Variants in PPP2R2B observed in about 807,000 individuals in gnomAD.
The protein encoded by PPP2R2B is protein phosphatase 2 regulatory subunit Bbeta.
In PPP2R2B, 5 loss-of-function variants were observed where a neutral mutation model predicts 46.0. That is an observed-to-expected ratio of 0.11 (90% CI 0.06 to 0.23). PPP2R2B has a LOEUF of 0.23. Ranked by LOEUF, PPP2R2B falls within the 10% of genes least tolerant of loss-of-function variation. The pLI, the probability that PPP2R2B is intolerant of heterozygous loss-of-function variation, is 1.00. For missense variants in PPP2R2B, 367 were observed against 575.0 expected, an observed-to-expected ratio of 0.64 and a Z score of 3.70; for synonymous variants, 215 against 206.7, an observed-to-expected ratio of 1.04 and a Z score of -0.34.
chr5:146,995,937 C>A (rs1753903918), intron 1 of PPP2R2B, among the ~76,000 whole-genome samples: 1 of 152,152 alleles, frequency 6.6e-6, no homozygotes, highest in African/African-American at 2.4e-5. Context: ...ATAGATATGC[C>A]ATGCTTCAAT....
chr5:146,641,340 A>G (rs1390338816), intron 6 of PPP2R2B, among the ~76,000 whole-genome samples: 1 of 152,126 alleles, frequency 6.6e-6, no homozygotes, highest in Non-Finnish European at 1.5e-5. Flanking sequence ...GAATGGCCTC[A>G]CAAAGCTGGC....
Position 146,589,881 on chromosome 5 carries a change from GA to G in PPP2R2B, c.*65del. 1 of 1,478,490 alleles carries G rather than the reference GA, an allele frequency of 6.8e-7. No homozygotes were observed. The highest frequency in any genetic ancestry group is 1.2e-5 in the South Asian group (1 of 82,122). 91.6% of individuals were successfully genotyped at this position (1,478,490 alleles called of 1,614,324 possible). ...TCAATGCATCAAATGAAGACCCAAAGAAACATTTAAAAACTTGTTTGACTAG... is the reference window on the plus strand; with the variant it reads ...TCAATGCATCAAATGAAGACCCAAAGAACATTTAAAAACTTGTTTGACTAG... On this transcript the variant is annotated 3_prime_UTR_variant, in exon 10 of 10. Transcript: ENST00000394411.
At chr5:146,706,840 G>A in intron 2 of PPP2R2B, 2 of 1,032,468 alleles carry the variant, frequency 1.9e-6, no homozygotes, top group Non-Finnish European at 3.1e-6. Flanking sequence ...CCTCAGCGAT[G>A]ATGCTGTCCG....
intron 1 of PPP2R2B, among the ~76,000 whole-genome samples, chr5:147,029,327 G>A (rs570770969): frequency 6.6e-6 from 1 of 152,130 alleles, no homozygotes; most frequent in Non-Finnish European, 1.5e-5. Context: ...ATGTGCCTGT[G>A]GTAGGGACCA....
chr5:146,936,179 C>T (rs558561013), intron 1 of PPP2R2B, among the ~76,000 whole-genome samples: 1 of 152,228 alleles, frequency 6.6e-6, no homozygotes, highest in East Asian at 1.9e-4. Context: ...AGGGTAACTT[C>T]CTGATGTGTC....
In PPP2R2B at chr5:146,803,819, A is replaced by G. The variant is rs566186542; in HGVS notation, c.70+74183T>C. On this transcript the variant is annotated intron_variant, in intron 2 of 9. Transcript: ENST00000394411. ...TGGTTTTTCTATCTGCAAAGTAGGG[A>G]GAAATAACAGTGCTTGCTTCATGTA... 4.6e-5 allele frequency among the ~76,000 whole-genome samples: 7 copies of G among 152,294 alleles called. No individual in the cohort carries two copies. In the South Asian group the frequency reaches 1.5e-3, roughly 32 times the overall value.
chr5:147,014,746 AG>A (rs1273053666), intron 1 of PPP2R2B, among the ~76,000 whole-genome samples: 4 of 80,234 alleles, frequency 5.0e-5, no homozygotes, highest in Non-Finnish European at 9.8e-5. Context: ...GGGTAGGGGG[AG>A]GGGGGAGGGA....
At chr5:146,738,643 T>C (rs1752686360) in intron 2 of PPP2R2B, among the ~76,000 whole-genome samples, 1 of 152,094 alleles carries the variant, frequency 6.6e-6, no homozygotes. Context: ...TGCCCTCAGC[T>C]CTCTGTCTCC....
At chr5:147,040,364 T>A (rs139059580) in intron 1 of PPP2R2B, among the ~76,000 whole-genome samples, 21 of 152,170 alleles carry the variant, frequency 1.4e-4, no homozygotes, top group African/African-American at 5.1e-4. Flanking sequence ...CAGCTCTAAT[T>A]TATCTGAATC....
intron 2 of PPP2R2B, among the ~76,000 whole-genome samples, chr5:146,705,450 G>T (rs1581916791): frequency 1.3e-5 from 2 of 152,294 alleles, no homozygotes; most frequent in East Asian, 3.9e-4. Flanking sequence ...AATCTGGGTG[G>T]GTGGTGGGGG....
intron 1 of PPP2R2B, among the ~76,000 whole-genome samples, chr5:146,976,717 A>C (rs1752924550): frequency 2.0e-5 from 3 of 152,142 alleles, no homozygotes; most frequent in Admixed American, 1.3e-4. Context: ...ATATGGATTT[A>C]TTTAATGTAG....
intron 5 of PPP2R2B, among the ~76,000 whole-genome samples, chr5:146,690,604 C>T (rs1778790017): frequency 6.6e-6 from 1 of 152,198 alleles, no homozygotes; most frequent in Non-Finnish European, 1.5e-5. Context: ...ACTTCTTCCT[C>T]ATAAGTCCAC....
chr5:146,997,321 T>A (rs780965389), intron 1 of PPP2R2B, among the ~76,000 whole-genome samples: 3 of 152,178 alleles, frequency 2.0e-5, no homozygotes, highest in Non-Finnish European at 4.4e-5. Context: ...CTCTGACCCC[T>A]GGTAAAAAAC....
At chr5:146,742,106 AG>A (rs1281980351) in intron 2 of PPP2R2B, among the ~76,000 whole-genome samples, 1 of 152,230 alleles carries the variant, frequency 6.6e-6, no homozygotes, top group Non-Finnish European at 1.5e-5. Context: ...TGTATGTGTC[AG>A]AAAAAAATGT....
intron 2 of PPP2R2B, among the ~76,000 whole-genome samples, chr5:146,769,842 GTTA>G (rs886598879): frequency 1.3e-5 from 2 of 152,084 alleles, no homozygotes; most frequent in Non-Finnish European, 2.9e-5. Flanking sequence ...TCTGATAAGT[GTTA>G]TTATAAGGCC....
intron 1 of PPP2R2B, among the ~76,000 whole-genome samples, chr5:146,958,362 C>T (rs1163101326): frequency 6.6e-6 from 1 of 152,106 alleles, no homozygotes; most frequent in African/African-American, 2.4e-5. Context: ...AAGGAAATAT[C>T]ACTAGTAGAT....
At chr5:146,712,920 A>G (rs927520836) in intron 2 of PPP2R2B, among the ~76,000 whole-genome samples, 2 of 152,244 alleles carry the variant, frequency 1.3e-5, no homozygotes, top group African/African-American at 4.8e-5. Context: ...CACACCAACT[A>G]CGTGTAAAGT....
chr5:147,059,507 A>G (rs562444389), upstream of PPP2R2B, among the ~76,000 whole-genome samples: 4 of 152,270 alleles, frequency 2.6e-5, no homozygotes, highest in South Asian at 6.2e-4. Context: ...GAGGATCTAA[A>G]GCAATGGCAG....
intron 2 of PPP2R2B, among the ~76,000 whole-genome samples, chr5:146,849,285 A>G (rs1760200785): frequency 6.6e-6 from 1 of 152,228 alleles, no homozygotes; most frequent in South Asian, 2.1e-4. Flanking sequence ...AAATATTTCT[A>G]TATGTAGTCA....
Sources: gnomAD v4.1 joint callset for allele counts (sites outside exome capture counted in the v4.1 genomes callset) on GRCh38, gnomAD v4.1.1 for gene constraint, MANE v1.5 for transcripts, NCBI Gene and HGNC (gene_info 2026-07-23, HGNC 2026-07-21) for gene names.